Variants in FPR3 observed in about 807,000 individuals in gnomAD.
The protein encoded by FPR3 is N-formyl peptide receptor 3.
For synonymous variants in FPR3, 135 were observed against 163.6 expected (o/e 0.83, Z 1.34); for missense variants, 346 against 443.2 (o/e 0.78, Z 1.97).
chr19:51,797,021 G>A (rs1455900047), intron 1 of FPR3, among the ~76,000 whole-genome samples: 1 of 152,142 alleles, frequency 6.6e-6, no homozygotes, highest in Non-Finnish European at 1.5e-5. Context: ...GAAGAGAATC[G>A]AGCTGTAGAG....
rs1170403044 is a variant in FPR3 at position 51,795,242 on chromosome 19, A to G, written c.-100A>G. 3.3e-5 allele frequency: 5 copies of G among 152,178 alleles called. No individual in the cohort carries two copies. Among genetic ancestry groups the G allele is most frequent in the African/African-American group, 1.2e-4 (5 of 41,442 alleles). The allele number at this position is 152,178 out of a possible 1,614,324, so 9.4% of individuals were successfully genotyped here. On this transcript the variant is annotated 5_prime_UTR_variant, in exon 1 of 2. Coordinates refer to ENST00000339223, the MANE Select transcript of FPR3 (RefSeq NM_002030.5). ...GCCAATTAAGATCTTAAAACCAAAC[A>G]TATAACTTCATCTTTTTACAAGTAC...
chr19:51,821,412 A>G (rs1293214445), intron 1 of FPR3, among the ~76,000 whole-genome samples: 1 of 152,196 alleles, frequency 6.6e-6, no homozygotes, highest in East Asian at 1.9e-4. Context: ...AGTTGCTACT[A>G]GCATCGGTGG....
At chr19:51,801,759 G>A (rs1019305082) in intron 1 of FPR3, among the ~76,000 whole-genome samples, 7 of 152,138 alleles carry the variant, frequency 4.6e-5, no homozygotes, top group African/African-American at 1.2e-4. Flanking sequence ...CCAGCTGCAC[G>A]AATTGACAAA....
chr19:51,824,876 CAG>C lies in FPR3; in HGVS notation c.*67_*68del. The C allele has an allele frequency of 1.6e-6, 2 of 1,282,772 alleles. No individual in the cohort carries two copies. Among genetic ancestry groups the C allele is most frequent in the Non-Finnish European group, 1.1e-6 (1 of 936,834 alleles). 79.5% of individuals were successfully genotyped at this position (1,282,772 alleles called of 1,614,324 possible). On this transcript the variant is annotated 3_prime_UTR_variant, in exon 2 of 2. Transcript: ENST00000339223. The surrounding 1 kb of genome is among the most constrained non-coding windows in gnomAD (Gnocchi z 4.7). The stretch of plus-strand genomic sequence containing the variant: ...GTTAAGCGGAAAAAAAAAATTCTGA[CAG>C]TGTTTTTCTTCCTCTTTCATACCAC...
chr19:51,822,725 C>G (rs1171852324), intron 1 of FPR3, among the ~76,000 whole-genome samples: 1 of 152,222 alleles, frequency 6.6e-6, no homozygotes, highest in Admixed American at 6.5e-5. Context: ...CATGCTCATT[C>G]TGTTTATCCC....
At chr19:51,819,278 T>C (rs2084170009) in intron 1 of FPR3, among the ~76,000 whole-genome samples, 1 of 152,192 alleles carries the variant, frequency 6.6e-6, no homozygotes, top group Non-Finnish European at 1.5e-5. Flanking sequence ...ATTGGTTATA[T>C]GAGACTAGAG....
intron 1 of FPR3, among the ~76,000 whole-genome samples, chr19:51,813,370 C>T (rs1454263330): frequency 6.6e-6 from 1 of 152,092 alleles, no homozygotes; most frequent in Non-Finnish European, 1.5e-5. Flanking sequence ...AAAACCTCCA[C>T]CTTTTAATAC....
At chr19:51,810,382 T>A (rs2084088065) in intron 1 of FPR3, among the ~76,000 whole-genome samples, 1 of 152,198 alleles carries the variant, frequency 6.6e-6, no homozygotes, top group East Asian at 1.9e-4. Flanking sequence ...TCACTGCCTC[T>A]TGTGATCTTG....
chr19:51,807,679 G>A (rs1418002861), intron 1 of FPR3, among the ~76,000 whole-genome samples: 10 of 152,222 alleles, frequency 6.6e-5, no homozygotes, highest in African/African-American at 2.2e-4. Flanking sequence ...AGTAATCACA[G>A]GAAGAATGAA....
intron 1 of FPR3, among the ~76,000 whole-genome samples, chr19:51,800,092 G>T (rs1235077101): frequency 6.6e-6 from 1 of 152,204 alleles, no homozygotes; most frequent in Non-Finnish European, 1.5e-5. Context: ...AAGGGGAGCT[G>T]GGTGAAAGGG....
intron 1 of FPR3, among the ~76,000 whole-genome samples, chr19:51,813,155 CA>C (rs1568429906): frequency 1.3e-5 from 2 of 151,248 alleles, no homozygotes; most frequent in Non-Finnish European, 2.9e-5. Flanking sequence ...CACACACACA[CA>C]CACACCCCAT....
intron 1 of FPR3, among the ~76,000 whole-genome samples, chr19:51,807,280 A>G (rs1295506428): frequency 6.6e-6 from 1 of 152,160 alleles, no homozygotes; most frequent in Non-Finnish European, 1.5e-5. Context: ...CATTCTTAAA[A>G]CAGTAGGCGC....
Position 51,796,358 on chromosome 19 carries a change from TGGATAAGGGAACCTA to T in FPR3, c.-11+1043_-11+1057del, listed in dbSNP as rs1265863582. On this transcript the variant is annotated intron_variant, in intron 1 of 1. Transcript: ENST00000339223. ...GGGATGCACAGGGCACATGTGGCAG[TGGATAAGGGAACCTA>T]GGATAAGGGAACCTAAGATAAGGGT... Among the ~76,000 whole-genome samples the T allele has an allele frequency of 3.3e-5, 5 of 152,156 alleles. 1 individual carries two copies. Among genetic ancestry groups the T allele is most frequent in the African/African-American group, 1.2e-4 (5 of 41,430 alleles).
intron 1 of FPR3, among the ~76,000 whole-genome samples, chr19:51,817,314 A>G (rs2084144564): frequency 1.3e-5 from 2 of 152,182 alleles, no homozygotes; most frequent in South Asian, 4.1e-4. Context: ...AAACCAAAAT[A>G]GAGTCACTCA....
chr19:51,799,513 G>T (rs2084017418), intron 1 of FPR3, among the ~76,000 whole-genome samples: 1 of 152,230 alleles, frequency 6.6e-6, no homozygotes, highest in African/African-American at 2.4e-5. Flanking sequence ...ATGTCTGTGT[G>T]TGTGGATGAC....
chr19:51,811,321 A>T (rs1339088653), intron 1 of FPR3: 1 of 152,194 alleles, frequency 6.6e-6, no homozygotes, highest in Non-Finnish European at 1.5e-5. Context: ...AACTAACCTG[A>T]GCACCAGTTT....
In FPR3 at chr19:51,823,953, C is replaced by G; in HGVS notation, c.205C>G (p.Leu69Val). 2 of 1,614,092 alleles carry G rather than the reference C, an allele frequency of 1.2e-6. No homozygotes were observed. The highest frequency in any genetic ancestry group is 1.7e-6 in the Non-Finnish European group (2 of 1,179,986). Residue 69 changes from leucine (L) to valine (V), a missense_variant, in exon 2 of 2, where the codon CTA becomes GTA. Transcript: ENST00000339223. ...VNTICYLNLA[L>V]ADFSFSAILP... The stretch of plus-strand genomic sequence containing the variant: ...CACCATCTGTTACCTGAACCTGGCC[C>G]TAGCTGACTTCTCTTTCAGTGCCAT...
intron 1 of FPR3, among the ~76,000 whole-genome samples, chr19:51,820,195 G>A (rs370698635): frequency 2.8e-4 from 43 of 152,316 alleles, no homozygotes; most frequent in East Asian, 9.6e-4. Flanking sequence ...GAAATCACAC[G>A]TGCTGGAGAA....
chr19:51,812,767 C>G (rs964317224), intron 1 of FPR3, among the ~76,000 whole-genome samples: 1 of 152,242 alleles, frequency 6.6e-6, no homozygotes, highest in Non-Finnish European at 1.5e-5. Context: ...TCATTTAATT[C>G]GTCTCTTAGT....
Sources: allele counts gnomAD v4.1 joint callset (sites outside exome capture counted in the v4.1 genomes callset), GRCh38; gene constraint gnomAD v4.1.1; non-coding constraint Gnocchi (gnomAD v3.1); transcripts MANE v1.5; gene names NCBI Gene and HGNC (gene_info 2026-07-23, HGNC 2026-07-21).